The following LONP1 variants were observed in gnomAD, a reference collection of about 807,000 sequenced individuals.
LONP1 encodes the protein lon peptidase 1, mitochondrial, also known as lon protease homolog, mitochondrial.
LONP1 carries 31 observed loss-of-function variants against 98.5 expected under a neutral mutation model. The ratio of observed to expected loss-of-function variants is 0.31; its 90% CI spans 0.24 to 0.42. The LOEUF (loss-of-function observed/expected upper bound fraction) is 0.42, where lower values mean the gene tolerates loss of function less well. Ranked by LOEUF, LONP1 falls within the 20% of genes least tolerant of loss-of-function variation. The probability of loss-of-function intolerance (pLI) is 1.00; values close to 1 mark genes in which losing one functional copy is unlikely to be tolerated. For synonymous variants in LONP1, 781 were observed against 594.7 expected, an observed-to-expected ratio of 1.31 and a Z score of -4.56; for missense variants, 1,336 against 1,350.6, an observed-to-expected ratio of 0.99 and a Z score of 0.17.
intron 8 of LONP1, among the ~76,000 whole-genome samples, chr19:5,701,183 C>A (rs1210650611): frequency 6.6e-6 from 1 of 152,194 alleles, no homozygotes; most frequent in South Asian, 2.1e-4. Context: ...CAGTGGCTCA[C>A]GCCTGTAATC....
Position 5,716,259 on chromosome 19 carries a change from CATATATATATATATATATATATATATAT to C in LONP1, c.430-2016_430-1989del, listed in dbSNP as rs3082272. Among the ~76,000 whole-genome samples the C allele has an allele frequency of 8.4e-4, 65 of 77,220 alleles. 4 individuals carry two copies. The highest frequency in any genetic ancestry group is 2.1e-3 in the African/African-American group (40 of 18,732). 50.7% of individuals were successfully genotyped at this position (77,220 alleles called of 152,430 possible). ...TATTATATAATAAAGTTAAAATATA[CATATATATATATATATATATATATATAT>C]ATATATATATATAGTAATGGCCCTC... is the stretch of plus-strand genomic sequence containing the variant. On this transcript the variant is annotated intron_variant, in intron 1 of 17. Coordinates refer to ENST00000360614, the MANE Select transcript of LONP1 (RefSeq NM_004793.4).
intron 8 of LONP1, among the ~76,000 whole-genome samples, chr19:5,701,792 A>G (rs1468925571): frequency 2.1e-5 from 3 of 145,338 alleles, no homozygotes; most frequent in African/African-American, 7.7e-5. Context: ...CTGGCCGCCC[A>G]TCGTCTGGGA....
At chr19:5,715,643 TAAAAAAAAAAAAAAAAAAAAAAA>T (rs527565499) in intron 1 of LONP1, among the ~76,000 whole-genome samples, 4 of 31,092 alleles carry the variant, frequency 1.3e-4, no homozygotes, top group South Asian at 1.3e-3. Flanking sequence ...CTCTGTCTCA[TAAAAAAAAAAAAAAAAAAAAAAA>T]AAAAAAAAAA....
At position 5,710,006 on chromosome 19, in the gene LONP1, CCT is replaced by C. The variant is rs1035330998; in HGVS notation, c.871-1605_871-1604del. ...TTGTAAGTTTGGTCGCTGTCTTCCC[CCT>C]GTTGCAAGATTCTCACAGGGAATGC... On this transcript the variant is annotated intron_variant, in intron 4 of 17. Coordinates refer to ENST00000360614, the MANE Select transcript of LONP1 (RefSeq NM_004793.4). Among the ~76,000 whole-genome samples the C allele has an allele frequency of 7.2e-5, 11 of 151,888 alleles. No individual in the cohort carries two copies. In the South Asian group the frequency reaches 8.3e-4, roughly 11 times the overall value.
chr19:5,708,584 A>G, intron 4 of LONP1, 181 bp from the exon 5 acceptor site: 1 of 398,622 alleles, frequency 2.5e-6, no homozygotes, highest in Non-Finnish European at 4.9e-6. Context: ...TGGACTCACC[A>G]GTCCCAGGGA....
rs1241438230 is a variant in LONP1 at position 5,708,665 on chromosome 19, T to A, written c.871-262A>T. On this transcript the variant is annotated intron_variant, in intron 4 of 17. Coordinates refer to ENST00000360614, the MANE Select transcript of LONP1 (RefSeq NM_004793.4). Reference sequence around the variant, plus strand: ...ACCCCTCAGAGCCTTGTCCTTAGGATAAGCTATCTCAGGGGAAAAAAAGAG... The same window carrying A: ...ACCCCTCAGAGCCTTGTCCTTAGGAAAAGCTATCTCAGGGGAAAAAAAGAG... 9 of 429,172 alleles carry A rather than the reference T, an allele frequency of 2.1e-5. 1 individual carries two copies. Among genetic ancestry groups the A allele is most frequent in the African/African-American group, 6.0e-5 (3 of 50,188 alleles). 26.6% of individuals were successfully genotyped at this position (429,172 alleles called of 1,614,324 possible).
chr19:5,716,619 C>A (rs1264013572), intron 1 of LONP1, among the ~76,000 whole-genome samples: 1 of 150,920 alleles, frequency 6.6e-6, no homozygotes, highest in Non-Finnish European at 1.5e-5. Context: ...GGTGTGTGAC[C>A]CACTGTTATA....
intron 8 of LONP1, among the ~76,000 whole-genome samples, chr19:5,702,060 C>T (rs1382984301): frequency 9.8e-4 from 141 of 143,766 alleles, no homozygotes; most frequent in African/African-American, 3.2e-3. Context: ...GCAGCCACCC[C>T]GTCCGGGAGG....
chr19:5,700,996 CTGGG>C, intron 8 of LONP1, 69 bp from the exon 9 acceptor site: 1 of 1,590,336 alleles, frequency 6.3e-7, no homozygotes, highest in South Asian at 1.1e-5. Flanking sequence ...CTGGACTTGG[CTGGG>C]TGGTTGCAAG....
rs540373668 is a variant in LONP1, at chr19:5,708,135, G to A, written c.932+207C>T. The A allele has an allele frequency of 4.8e-6, 3 of 619,798 alleles. No homozygotes were observed. In the Admixed American group the frequency reaches 8.7e-5, roughly 18 times the overall value. 38.4% of individuals were successfully genotyped at this position (619,798 alleles called of 1,614,324 possible). A position where few individuals can be genotyped will look rare whatever the true frequency, so the allele number is the denominator to read the frequency against. Reference sequence around the variant, plus strand: ...ACAGCTTCCGGCCTCAGCAGAAGGGGACAAAGAAACTGGGCCTGCTGAGTC... The same window carrying A: ...ACAGCTTCCGGCCTCAGCAGAAGGGAACAAAGAAACTGGGCCTGCTGAGTC... On this transcript the variant is annotated intron_variant, in intron 5 of 17. Coordinates refer to ENST00000360614, the MANE Select transcript of LONP1 (RefSeq NM_004793.4).
intron 1 of LONP1, among the ~76,000 whole-genome samples, chr19:5,716,339 T>C (rs1045162928): frequency 7.3e-6 from 1 of 137,340 alleles, no homozygotes; most frequent in African/African-American, 2.7e-5. Context: ...CAGGATGACC[T>C]GAAGGACTTT....
Position 5,712,244 on chromosome 19 carries a change from A to G in LONP1, c.639-242T>C, listed in dbSNP as rs552428671. Among the ~76,000 whole-genome samples the G allele has an allele frequency of 4.6e-5, 7 of 152,188 alleles. No individual in the cohort carries two copies. The South Asian group carries it at 1.5e-3, about 32-fold the overall frequency. ...CAGGCATTCCCTGCATCCCACGCCA[A>G]TGCATCACTGTCCCCATCCTAAGTA... On this transcript the variant is annotated intron_variant, in intron 3 of 17. Transcript: ENST00000360614.
chr19:5,699,213 C>G lies in LONP1; in HGVS notation c.1507-8G>C. ...GCTAACGGCAATGAACTCCTGCAGA[C>G]AGAGGCAGGTTCAGTGGGCACGTGA... is the stretch of plus-strand genomic sequence containing the variant. On this transcript the variant is annotated splice_polypyrimidine_tract_variant and splice_region_variant and intron_variant, in intron 9 of 17. Coordinates refer to ENST00000360614, the MANE Select transcript of LONP1 (RefSeq NM_004793.4). 1 of 1,492,516 alleles carries G rather than the reference C, an allele frequency of 6.7e-7. No individual in the cohort carries two copies. The highest frequency in any genetic ancestry group is 9.0e-7 in the Non-Finnish European group (1 of 1,115,696). 92.5% of individuals were successfully genotyped at this position (1,492,516 alleles called of 1,614,324 possible). A position where few individuals can be genotyped will look rare whatever the true frequency, so the allele number is the denominator to read the frequency against.
chr19:5,701,138 A>AC (rs1262944497), intron 8 of LONP1, among the ~76,000 whole-genome samples: 3 of 151,800 alleles, frequency 2.0e-5, no homozygotes, highest in Non-Finnish European at 4.4e-5. Flanking sequence ...ACTCAGCAAG[A>AC]CCCCATCTCT....
At chr19:5,696,470 G>T in intron 11 of LONP1, 99 bp from the exon 12 acceptor site, 1 of 1,494,742 alleles carries the variant, frequency 6.7e-7, no homozygotes. Flanking sequence ...CCCCGAGTGA[G>T]AGCGGCACCC....
intron 10 of LONP1, among the ~76,000 whole-genome samples, chr19:5,698,818 A>T (rs1279478606): frequency 6.6e-6 from 1 of 152,180 alleles, no homozygotes; most frequent in Non-Finnish European, 1.5e-5. Context: ...CAAGCCATGG[A>T]GGTTCCTGCC....
chr19:5,708,681 A>T (rs545504313), intron 4 of LONP1: 3 of 382,704 alleles, frequency 7.8e-6, no homozygotes, highest in South Asian at 4.7e-5. Flanking sequence ...ATCTCAGGGG[A>T]AAAAAAGAGA....
chr19:5,691,969 A>C lies in LONP1; in HGVS notation c.*63T>G. ...ACTGCCAGGTCCGGGCGCGCTCCCCACAGCGCTCAGTTCTGGCCCAGACAG... is the reference window on the plus strand; with the variant it reads ...ACTGCCAGGTCCGGGCGCGCTCCCCCCAGCGCTCAGTTCTGGCCCAGACAG... On this transcript the variant is annotated 3_prime_UTR_variant, in exon 18 of 18. Transcript: ENST00000360614. The C allele has an allele frequency of 1.1e-6, 1 of 883,966 alleles. No homozygotes were observed. Among genetic ancestry groups the C allele is most frequent in the Non-Finnish European group, 1.6e-6 (1 of 609,480 alleles). The allele number at this position is 883,966 out of a possible 1,614,324, so 54.8% of individuals were successfully genotyped here. A position where few individuals can be genotyped will look rare whatever the true frequency, so the allele number is the denominator to read the frequency against.
At chr19:5,695,649 G>A (rs557949300) in intron 13 of LONP1, among the ~76,000 whole-genome samples, 1 of 152,218 alleles carries the variant, frequency 6.6e-6, no homozygotes, top group Admixed American at 6.5e-5. Flanking sequence ...GAGAAATATG[G>A]GCCCCTGCAT....
Sources: allele counts gnomAD v4.1 joint callset (sites outside exome capture counted in the v4.1 genomes callset), GRCh38; gene constraint gnomAD v4.1.1; transcripts MANE v1.5; gene names NCBI Gene and HGNC (gene_info 2026-07-23, HGNC 2026-07-21).